RMDN2: variants seen among roughly 807,000 people sequenced by gnomAD.
RMDN2 encodes regulator of microtubule dynamics 2.
RMDN2 carries 61 observed loss-of-function variants against 52.8 expected under a neutral mutation model. That is an observed-to-expected ratio of 1.16 (90% CI 0.94 to 1.43). RMDN2 has a LOEUF of 1.43. Among genes scored for constraint, RMDN2 ranks in the 40% most tolerant of loss-of-function variants. The probability of loss-of-function intolerance (pLI) is 0.00; values close to 1 mark genes in which losing one functional copy is unlikely to be tolerated. For missense variants in RMDN2, 592 were observed against 475.3 expected (o/e 1.25, Z -2.28); for synonymous variants, 180 against 153.1 (o/e 1.18, Z -1.30).
chr2:38,039,478 T>TTCTCTGGGAAATA (rs1456672622), intron 10 of RMDN2, among the ~76,000 whole-genome samples: 5 of 152,196 alleles, frequency 3.3e-5, no homozygotes, highest in Non-Finnish European at 7.3e-5. Flanking sequence ...CAGCCCCCGC[T>TTCTCTGGGAAATA]TCTCTGGGAA....
chr2:37,933,770 G>C (rs1406961521), intron 2 of RMDN2, among the ~76,000 whole-genome samples: 1 of 150,412 alleles, frequency 6.6e-6, no homozygotes, highest in African/African-American at 2.5e-5. Context: ...TGGAAAGAGA[G>C]GGAGAGAGAG....
chr2:38,048,384 T>C (rs1681399390), intron 10 of RMDN2, among the ~76,000 whole-genome samples: 1 of 152,148 alleles, frequency 6.6e-6, no homozygotes, highest in Non-Finnish European at 1.5e-5. Context: ...ACTTTACAAA[T>C]TTATCCTTGT....
intron 10 of RMDN2, among the ~76,000 whole-genome samples, chr2:38,025,203 A>G (rs1051461607): frequency 1.1e-4 from 16 of 152,196 alleles, no homozygotes; most frequent in Admixed American, 8.5e-4. Context: ...GCAGTTTTCA[A>G]TGTACAGGTC....
chr2:37,993,547 G>T (rs1274789240), intron 7 of RMDN2, among the ~76,000 whole-genome samples: 2 of 151,938 alleles, frequency 1.3e-5, no homozygotes, highest in Non-Finnish European at 2.9e-5. Flanking sequence ...AAGGGGAACA[G>T]CCAAAGGCCA....
At chr2:37,990,518 CAA>C (rs397812186) in intron 6 of RMDN2, among the ~76,000 whole-genome samples, 10 of 37,582 alleles carry the variant, frequency 2.7e-4, no homozygotes, top group Admixed American at 8.2e-4. Flanking sequence ...GACTCCATCT[CAA>C]AAAAAAAAAA....
chr2:37,932,840 ACGGGGCGGC>A (rs1221452427), intron 2 of RMDN2, among the ~76,000 whole-genome samples: 3 of 129,996 alleles, frequency 2.3e-5, no homozygotes, highest in Non-Finnish European at 4.9e-5. Flanking sequence ...TCCCTCCCGG[ACGGGGCGGC>A]TGGCCGGGCG....
chr2:38,026,929 C>A (rs1161899212), intron 10 of RMDN2: 1 of 137,158 alleles, frequency 7.3e-6, no homozygotes, highest in Non-Finnish European at 1.6e-5. Context: ...TGTTTTGTTT[C>A]AGGTTTTTTT....
At chr2:38,039,047 T>TACACACACACACACACAAACAC (rs1461693105) in intron 10 of RMDN2, among the ~76,000 whole-genome samples, 17 of 127,292 alleles carry the variant, frequency 1.3e-4, no homozygotes, top group Middle Eastern at 3.6e-3. Context: ...CCAGATGCTA[T>TACACACACACACACACAAACAC]ACACACACAC....
intron 2 of RMDN2, among the ~76,000 whole-genome samples, chr2:37,940,336 T>C (rs772532481): frequency 3.9e-5 from 6 of 152,208 alleles, no homozygotes; most frequent in Non-Finnish European, 5.9e-5. Context: ...ACTTCCACCA[T>C]GGTGAATCTG....
chr2:37,963,544 A>G (rs1281581919), intron 2 of RMDN2, among the ~76,000 whole-genome samples: 1 of 152,128 alleles, frequency 6.6e-6, no homozygotes, highest in African/African-American at 2.4e-5. Context: ...GCCTTCAAGC[A>G]TCTGTTTAAC....
At chr2:37,963,513 A>G (rs1228328210) in intron 2 of RMDN2, among the ~76,000 whole-genome samples, 3 of 151,944 alleles carry the variant, frequency 2.0e-5, no homozygotes, top group Non-Finnish European at 2.9e-5. Flanking sequence ...GGGAGTGGTG[A>G]TGACTCTTAA....
chr2:37,985,403 G>C (rs115810599), intron 5 of RMDN2, among the ~76,000 whole-genome samples: 248 of 125,596 alleles, frequency 2.0e-3, no homozygotes, highest in Middle Eastern at 0.012. Flanking sequence ...TATTTATTTT[G>C]CTAGTAGAGT....
At chr2:38,022,332 G>A (rs1169240453), downstream of RMDN2, among the ~76,000 whole-genome samples, 2 of 152,182 alleles carry the variant, frequency 1.3e-5, no homozygotes, top group African/African-American at 4.8e-5. Context: ...GTGAGCCATG[G>A]GGAATCTCGT....
At chr2:37,952,191 C>T (rs760204955) in intron 2 of RMDN2, 2 of 1,612,918 alleles carry the variant, frequency 1.2e-6, no homozygotes, top group African/African-American at 1.3e-5. Context: ...TATTGAAATT[C>T]CTAAAATAAG....
At chr2:38,054,721 C>G (rs1469503797) in intron 10 of RMDN2, among the ~76,000 whole-genome samples, 3 of 152,148 alleles carry the variant, frequency 2.0e-5, no homozygotes, top group Non-Finnish European at 4.4e-5. Flanking sequence ...CTTCTCTCTT[C>G]TCTACCATCT....
At chr2:38,050,027 A>G (rs1201453251) in intron 10 of RMDN2, among the ~76,000 whole-genome samples, 4 of 152,256 alleles carry the variant, frequency 2.6e-5, no homozygotes, top group Non-Finnish European at 4.4e-5. Flanking sequence ...GCAACAATCA[A>G]TGAATTTGGG....
At chr2:38,035,387 C>T (rs886548019) in intron 10 of RMDN2, among the ~76,000 whole-genome samples, 2 of 152,144 alleles carry the variant, frequency 1.3e-5, no homozygotes, top group African/African-American at 2.4e-5. Context: ...AATTAATCTA[C>T]AAATTTGATA....
At chr2:37,945,620 A>C (rs1412691125) in intron 2 of RMDN2, among the ~76,000 whole-genome samples, 1 of 152,210 alleles carries the variant, frequency 6.6e-6, no homozygotes, top group East Asian at 1.9e-4. Context: ...AAAGAAAAAG[A>C]CCCCAGTTCT....
chr2:38,028,714 T>C (rs1479052079), intron 10 of RMDN2, among the ~76,000 whole-genome samples: 1 of 152,114 alleles, frequency 6.6e-6, no homozygotes, highest in Non-Finnish European at 1.5e-5. Context: ...GCACCTCCCA[T>C]TCCTACCCCC....
Sources: allele counts gnomAD v4.1 joint callset (sites outside exome capture counted in the v4.1 genomes callset), GRCh38; gene constraint gnomAD v4.1.1; transcripts MANE v1.5; gene names NCBI Gene and HGNC (gene_info 2026-07-23, HGNC 2026-07-21).